The following EIF4G3 variants were observed in gnomAD, a reference collection of about 807,000 sequenced individuals.
The protein encoded by EIF4G3 is eukaryotic translation initiation factor 4 gamma 3.
EIF4G3 carries 34 observed loss-of-function variants against 186.4 expected under a neutral mutation model. The observed-to-expected ratio is 0.18, with a 90% confidence interval of 0.14 to 0.24. The LOEUF (loss-of-function observed/expected upper bound fraction) is 0.24. Ranked by LOEUF, EIF4G3 falls within the 10% of genes least tolerant of loss-of-function variation. EIF4G3 has a pLI of 1.00. For missense variants in EIF4G3, 1,536 were observed against 1,948.5 expected (o/e 0.79, Z 3.99); for synonymous variants, 673 against 679.5 (o/e 0.99, Z 0.15).
intron 7 of EIF4G3, among the ~76,000 whole-genome samples, chr1:20,990,697 T>C (rs979680121): frequency 2.6e-5 from 4 of 152,342 alleles, no homozygotes; most frequent in East Asian, 1.9e-4. Context: ...TTAATTACTA[T>C]ATGTACATCA....
At chr1:20,946,884 G>C (rs938508002) in intron 13 of EIF4G3, among the ~76,000 whole-genome samples, 16 of 152,056 alleles carry the variant, frequency 1.1e-4, no homozygotes, top group African/African-American at 3.6e-4. Flanking sequence ...GAGTTAACAT[G>C]AGATTGTGTA....
chr1:20,877,968 C>T (rs2081328383), intron 20 of EIF4G3, among the ~76,000 whole-genome samples: 1 of 152,174 alleles, frequency 6.6e-6, no homozygotes, highest in Non-Finnish European at 1.5e-5. Flanking sequence ...CTCAGCCTCT[C>T]AAGTAGCTGG....
At chr1:20,879,710 T>C (rs916976963) in intron 19 of EIF4G3, among the ~76,000 whole-genome samples, 190 bp from the exon 20 acceptor site, 12 of 152,196 alleles carry the variant, frequency 7.9e-5, no homozygotes, top group Non-Finnish European at 1.8e-4. Context: ...TTCTTTTCAC[T>C]ACTGAGGAGA....
intron 32 of EIF4G3, among the ~76,000 whole-genome samples, chr1:20,827,307 G>A (rs1010053745): frequency 5.3e-5 from 8 of 152,118 alleles, no homozygotes; most frequent in African/African-American, 4.8e-5. Flanking sequence ...GGAGCTTTTC[G>A]TTGAAATCTA....
intron 2 of EIF4G3, among the ~76,000 whole-genome samples, chr1:21,113,200 G>A (rs1414785592): frequency 4.7e-5 from 7 of 150,512 alleles, no homozygotes; most frequent in African/African-American, 1.5e-4. Context: ...TTTTAATGCA[G>A]GGAGAAGAGT....
chr1:20,908,413 G>A (rs113142471), intron 14 of EIF4G3, among the ~76,000 whole-genome samples: 165 of 152,104 alleles, frequency 1.1e-3, no homozygotes, highest in African/African-American at 3.9e-3. Context: ...TTAATCATTG[G>A]GCTTTAGGGA....
Position 21,089,188 on chromosome 1 carries a change from G to A in EIF4G3, c.-246C>T, listed in dbSNP as rs747223514. 8 of 717,414 alleles carry A rather than the reference G, an allele frequency of 1.1e-5. No individual in the cohort carries two copies. Among genetic ancestry groups the A allele is most frequent in the South Asian group, 8.9e-5 (6 of 67,594 alleles). 44.4% of individuals were successfully genotyped at this position (717,414 alleles called of 1,614,324 possible). On this transcript the variant is annotated 5_prime_UTR_variant, in exon 3 of 37. Transcript: ENST00000602326. Reference sequence around the variant, plus strand: ...GGAGTGAAGATTCGATCCTCAAGAGGTTGTTGCACAGGTCCTCTAGGAATT... The same window carrying A: ...GGAGTGAAGATTCGATCCTCAAGAGATTGTTGCACAGGTCCTCTAGGAATT...
At chr1:21,063,711 G>GC (rs1424062580) in intron 3 of EIF4G3, among the ~76,000 whole-genome samples, 4 of 19,150 alleles carry the variant, frequency 2.1e-4, no homozygotes, top group African/African-American at 4.0e-4. Context: ...ATTTTGGGGG[G>GC]GGGGGTGTTG....
chr1:20,851,214 A>G (rs769378395), intron 28 of EIF4G3, 44 bp downstream of exon 28: 2 of 1,581,726 alleles, frequency 1.3e-6, no homozygotes, highest in Admixed American at 1.8e-5. Flanking sequence ...TTTCCTTCCA[A>G]ATTTAAAACC....
chr1:20,959,021 G>A (rs996453927), intron 12 of EIF4G3, among the ~76,000 whole-genome samples: 9 of 151,442 alleles, frequency 5.9e-5, no homozygotes, highest in African/African-American at 1.7e-4. Context: ...AAATACCAAC[G>A]TTTCACAGAA....
chr1:20,914,406 G>A (rs1028951732), intron 14 of EIF4G3, among the ~76,000 whole-genome samples: 2 of 152,052 alleles, frequency 1.3e-5, no homozygotes, highest in Non-Finnish European at 2.9e-5. Context: ...TGAAGATGCT[G>A]TGTTGCTGGC....
chr1:20,854,658 T>C (rs1407545472), intron 26 of EIF4G3, among the ~76,000 whole-genome samples: 2 of 151,346 alleles, frequency 1.3e-5, no homozygotes, highest in Non-Finnish European at 2.9e-5. Flanking sequence ...TGAGTTGTGA[T>C]CATGCCACTA....
At chr1:21,007,328 G>A (rs1257309831) in intron 4 of EIF4G3, among the ~76,000 whole-genome samples, 2 of 151,772 alleles carry the variant, frequency 1.3e-5, no homozygotes, top group Non-Finnish European at 2.9e-5. Flanking sequence ...AACTCGGGAG[G>A]CAGAGGTTGC....
intron 14 of EIF4G3, among the ~76,000 whole-genome samples, chr1:20,911,417 GC>G (rs2093178720): frequency 6.6e-6 from 1 of 151,518 alleles, no homozygotes; most frequent in African/African-American, 2.4e-5. Context: ...TAAAAAATTA[GC>G]CAGGCACGGG....
At chr1:21,151,077 G>A (rs913738301) in intron 2 of EIF4G3, among the ~76,000 whole-genome samples, 3 of 152,052 alleles carry the variant, frequency 2.0e-5, no homozygotes, top group African/African-American at 7.2e-5. Context: ...CATGAACACT[G>A]TTGCATAACC....
intron 24 of EIF4G3, among the ~76,000 whole-genome samples, chr1:20,857,953 T>C (rs2075421484): frequency 6.6e-6 from 1 of 152,216 alleles, no homozygotes; most frequent in South Asian, 2.1e-4. Flanking sequence ...TGGAAAACCT[T>C]GACTCCTCTT....
Position 20,900,524 on chromosome 1 carries a change from A to G in EIF4G3, c.1753-581T>C, listed in dbSNP as rs75417853. 5.6e-3 allele frequency among the ~76,000 whole-genome samples: 828 copies of G among 147,600 alleles called. 5 individuals carry two copies. The highest frequency in any genetic ancestry group is 0.012 in the African/African-American group (482 of 40,324). On this transcript the variant is annotated intron_variant, in intron 15 of 36. Transcript: ENST00000602326. ...AAAATCTTGTATATAAAAAAAAAAAAAGAGAGAGAGAGAAAAAAAAAAGAG... is the reference window on the plus strand; with the variant it reads ...AAAATCTTGTATATAAAAAAAAAAAGAGAGAGAGAGAGAAAAAAAAAAGAG...
chr1:21,014,995 G>A (rs921606150), intron 4 of EIF4G3, among the ~76,000 whole-genome samples: 1 of 151,618 alleles, frequency 6.6e-6, no homozygotes, highest in African/African-American at 2.4e-5. Context: ...AAGGTGGTGG[G>A]GGGGAGGAGA....
chr1:21,030,552 T>C (rs2092648066), intron 4 of EIF4G3, among the ~76,000 whole-genome samples: 1 of 152,216 alleles, frequency 6.6e-6, no homozygotes, highest in Admixed American at 6.5e-5. Context: ...GTGTCAAGTA[T>C]ATCTTTACCA....
Sources: allele counts gnomAD v4.1 joint callset (sites outside exome capture counted in the v4.1 genomes callset), GRCh38; gene constraint gnomAD v4.1.1; transcripts MANE v1.5; gene names NCBI Gene and HGNC (gene_info 2026-07-23, HGNC 2026-07-21).